The following EZR variants were observed in gnomAD, a reference collection of about 807,000 sequenced individuals.
EZR encodes the protein ezrin, also known as cytovillin 2.
EZR carries 40 observed loss-of-function variants against 74.8 expected under a neutral mutation model. The ratio of observed to expected loss-of-function variants is 0.53; its 90% CI spans 0.42 to 0.70. EZR has a LOEUF of 0.70. Ranked by LOEUF, EZR falls within the 30% of genes least tolerant of loss-of-function variation. The pLI is 0.00. For synonymous variants in EZR, 341 were observed against 283.3 expected (o/e 1.20, Z -2.05); for missense variants, 678 against 755.8 (o/e 0.90, Z 1.21).
At chr6:158,812,419 C>T (rs1476655435) in intron 2 of EZR, among the ~76,000 whole-genome samples, 1 of 152,176 alleles carries the variant, frequency 6.6e-6, no homozygotes, top group Non-Finnish European at 1.5e-5. Context: ...GCCTGCACCT[C>T]ACCCTAGAGA....
At chr6:158,796,672 C>G (rs543344946) in intron 2 of EZR, among the ~76,000 whole-genome samples, 1 of 152,182 alleles carries the variant, frequency 6.6e-6, no homozygotes. Context: ...TTGGAGGTCA[C>G]GTAACTCTGC....
intron 7 of EZR, among the ~76,000 whole-genome samples, chr6:158,781,428 C>T (rs1051207008): frequency 4.6e-5 from 7 of 152,056 alleles, no homozygotes; most frequent in South Asian, 2.1e-4. Context: ...GGGAGCAGAG[C>T]GCAAAAACAG....
intron 2 of EZR, among the ~76,000 whole-genome samples, chr6:158,797,534 A>C (rs1777099335): frequency 6.6e-6 from 1 of 152,140 alleles, no homozygotes; most frequent in Admixed American, 6.5e-5. Context: ...TTAAAATGTC[A>C]ACGCTGTTTT....
chr6:158,802,837 T>C (rs2128574386), intron 2 of EZR, among the ~76,000 whole-genome samples: 1 of 152,266 alleles, frequency 6.6e-6, no homozygotes, highest in South Asian at 2.1e-4. Context: ...GCCAGGTTTT[T>C]GCTTATTTAA....
Position 158,812,573 on chromosome 6 carries a change from A to G in EZR, c.12+5509T>C, listed in dbSNP as rs951682084. On this transcript the variant is annotated intron_variant, in intron 2 of 13. Transcript: ENST00000367075. ...GTGTGTACATATACTAGGGAAAACAAAAAGCTACTGAATTATTTGGATTTA... is the reference window on the plus strand; with the variant it reads ...GTGTGTACATATACTAGGGAAAACAGAAAGCTACTGAATTATTTGGATTTA... 5.3e-4 allele frequency among the ~76,000 whole-genome samples: 81 copies of G among 152,206 alleles called. 1 individual carries two copies. The highest frequency in any genetic ancestry group is 1.9e-3 in the African/African-American group (80 of 41,436).
chr6:158,775,858 CAT>C (rs1182554283), intron 8 of EZR, among the ~76,000 whole-genome samples: 9 of 152,332 alleles, frequency 5.9e-5, no homozygotes, highest in Admixed American at 5.2e-4. Flanking sequence ...GATTTCAGGA[CAT>C]AAAGTGTCGC....
At chr6:158,791,071 A>T (rs1177574600) in intron 2 of EZR, among the ~76,000 whole-genome samples, 1 of 152,186 alleles carries the variant, frequency 6.6e-6, no homozygotes, top group African/African-American at 2.4e-5. Flanking sequence ...TCAGGAACAT[A>T]ATTAGTCTCC....
At chr6:158,791,945 T>C (rs1791759687) in intron 2 of EZR, among the ~76,000 whole-genome samples, 1 of 151,860 alleles carries the variant, frequency 6.6e-6, no homozygotes, top group East Asian at 1.9e-4. Context: ...CCTGATCTTG[T>C]CATCTGCCTG....
chr6:158,790,803 C>T (rs765488367), intron 2 of EZR, among the ~76,000 whole-genome samples: 1 of 152,174 alleles, frequency 6.6e-6, no homozygotes, highest in East Asian at 1.9e-4. Flanking sequence ...TCAAATCTGG[C>T]TACTTTATGT....
intron 7 of EZR, among the ~76,000 whole-genome samples, chr6:158,780,500 G>A (rs951449157): frequency 6.6e-5 from 10 of 152,150 alleles, no homozygotes; most frequent in South Asian, 2.1e-4. Flanking sequence ...GAAAGCAAGC[G>A]AAGCCCTGAG....
At chr6:158,785,176 A>C in intron 5 of EZR, 133 bp downstream of exon 5, 1 of 1,138,494 alleles carries the variant, frequency 8.8e-7, no homozygotes, top group South Asian at 1.5e-5. Flanking sequence ...TCAGTGACTT[A>C]ATGACTAGCA....
At chr6:158,816,770 A>G (rs556839730) in intron 2 of EZR, among the ~76,000 whole-genome samples, 2 of 152,336 alleles carry the variant, frequency 1.3e-5, no homozygotes, top group African/African-American at 4.8e-5. Flanking sequence ...CAAAGATCTT[A>G]GAGAACATAA....
At chr6:158,770,725 C>A (rs2128565965) in intron 10 of EZR, 39 bp downstream of exon 10, 1 of 1,613,276 alleles carries the variant, frequency 6.2e-7, no homozygotes, top group East Asian at 2.2e-5. Context: ...TGTGGAAATG[C>A]ATGACCCAGT....
At chr6:158,777,627 G>C (rs962355203) in intron 7 of EZR, among the ~76,000 whole-genome samples, 2 of 152,180 alleles carry the variant, frequency 1.3e-5, no homozygotes, top group Non-Finnish European at 2.9e-5. Flanking sequence ...TTTAGAAGTA[G>C]CAGGAAGGTC....
chr6:158,800,302 C>T (rs1777162097), intron 2 of EZR, among the ~76,000 whole-genome samples: 1 of 152,192 alleles, frequency 6.6e-6, no homozygotes, highest in South Asian at 2.1e-4. Context: ...ATCAACACCA[C>T]TGGTCAGGGC....
rs2128566072 is a variant in EZR, at chr6:158,770,808, A to T, written c.1046T>A (p.Leu349Gln). The T allele has an allele frequency of 1.2e-6, 2 of 1,614,162 alleles. No homozygotes were observed. Among genetic ancestry groups the T allele is most frequent in the Non-Finnish European group, 1.7e-6 (2 of 1,180,034 alleles). Reference sequence around the variant, plus strand: ...CTTCTCCTCATAGTCCTGCAGCCGCAGCATCAACTCCTCCTTCTCGCGCAT... The same window carrying T: ...CTTCTCCTCATAGTCCTGCAGCCGCTGCATCAACTCCTCCTTCTCGCGCAT... ...QMMREKEELM[L>Q]RLQDYEEKTK... The change falls in exon 10 of 14, where the codon CTG becomes CAG. Residue 349 changes from leucine to glutamine, a missense_variant. Transcript: ENST00000367075.
In EZR at chr6:158,794,266, C is replaced by T. The variant is rs73030024; in HGVS notation, c.13-4895G>A. Among the ~76,000 whole-genome samples the T allele has an allele frequency of 4.3e-3, 652 of 152,198 alleles. 1 individual carries two copies. Among genetic ancestry groups the T allele is most frequent in the Non-Finnish European group, 6.9e-3 (469 of 67,990 alleles). Reference sequence around the variant, plus strand: ...CTGCACTCCAGCCTGGGTGATACAGCGAAGACTCAAAACCACCACAACCAC... The same window carrying T: ...CTGCACTCCAGCCTGGGTGATACAGTGAAGACTCAAAACCACCACAACCAC... On this transcript the variant is annotated intron_variant, in intron 2 of 13. Coordinates refer to ENST00000367075, the MANE Select transcript of EZR (RefSeq NM_001111077.2).
Position 158,767,304 on chromosome 6 carries a change from A to G in EZR, c.1553T>C (p.Ile518Thr), listed in dbSNP as rs750228124. Residue 518 changes from isoleucine (I) to threonine (T), a missense_variant, in exon 13 of 14, where the codon ATC (isoleucine) becomes ACC (threonine). Transcript: ENST00000367075. ...IRDDRNEEKR[I>T]TEAEKNERVQ... ...ACGCTCGTTCTTCTCTGCCTCAGTG[A>G]TGCGCTTCTCCTCATTGCGGTCATC... The G allele has an allele frequency of 1.2e-6, 2 of 1,614,068 alleles. No homozygotes were observed. Among genetic ancestry groups the G allele is most frequent in the South Asian group, 1.1e-5 (1 of 91,080 alleles).
intron 3 of EZR, 28 bp from the exon 4 acceptor site, chr6:158,787,231 C>T (rs766710847): frequency 5.0e-5 from 80 of 1,585,544 alleles, no homozygotes; most frequent in Non-Finnish European, 6.8e-5. Context: ...AGGCTCAACA[C>T]TCATGAGAAA....
Sources: gnomAD v4.1 joint callset for allele counts (sites outside exome capture counted in the v4.1 genomes callset) on GRCh38, gnomAD v4.1.1 for gene constraint, MANE v1.5 for transcripts, NCBI Gene and HGNC (gene_info 2026-07-23, HGNC 2026-07-21) for gene names.